The following ANKRD55 variants were observed in gnomAD, a reference collection of about 807,000 sequenced individuals.
ANKRD55 encodes ankyrin repeat domain-containing protein 55.
Under a neutral mutation model 60.6 loss-of-function variants are expected in ANKRD55, and 41 were observed. The ratio of observed to expected loss-of-function variants is 0.68; its 90% CI spans 0.53 to 0.88. The LOEUF is 0.88. Among genes scored for constraint, ANKRD55 ranks in the 40% least tolerant of loss-of-function variants. The probability of loss-of-function intolerance (pLI) is 0.00; values close to 1 mark genes in which losing one functional copy is unlikely to be tolerated. For synonymous variants in ANKRD55, 264 were observed against 290.3 expected (o/e 0.91, Z 0.92); for missense variants, 732 against 767.6 (o/e 0.95, Z 0.55).
intron 6 of ANKRD55, among the ~76,000 whole-genome samples, chr5:56,156,691 G>A (rs1267231493): frequency 6.6e-6 from 1 of 152,166 alleles, no homozygotes; most frequent in African/African-American, 2.4e-5. Context: ...CATGGACTCC[G>A]CCACTCCAGC....
chr5:56,180,421 T>G (rs1758828152), intron 3 of ANKRD55, among the ~76,000 whole-genome samples: 2 of 152,230 alleles, frequency 1.3e-5, no homozygotes, highest in Non-Finnish European at 2.9e-5. Context: ...CTATACACAT[T>G]TTAGCTAATC....
At chr5:56,190,541 T>TGGCTA in intron 2 of ANKRD55, among the ~76,000 whole-genome samples, 1 of 152,326 alleles carries the variant, frequency 6.6e-6, no homozygotes, top group East Asian at 1.9e-4. Flanking sequence ...TTTTTCCACA[T>TGGCTA]GGCTATCCTG....
In ANKRD55 at chr5:56,116,777, G is replaced by A. The variant is rs1477012686; in HGVS notation, c.803C>T (p.Pro268Leu). 3 of 1,608,290 alleles carry A rather than the reference G, an allele frequency of 1.9e-6. No homozygotes were observed. Among genetic ancestry groups the A allele is most frequent in the Non-Finnish European group, 2.5e-6 (3 of 1,177,638 alleles). ...LQALDVDDRT[P>L]LHWAAAAGKA... is the part of the protein sequence containing the mutation. The stretch of plus-strand genomic sequence containing the variant: ...CCCTGCAGCTGCAGCCCAGTGCAGA[G>A]GTGTCCTGGAGGGGCCATGTGAAAA... The change falls in exon 9 of 12, where the codon CCT becomes CTT. Residue 268 changes from proline (P) to leucine (L), a missense_variant. By Grantham distance (98) the Pro-to-Leu change is moderately conservative. Around this residue, in one of 3 missense-constraint regions of ANKRD55, gnomAD observed 597 missense variants for 607.5 expected, o/e 0.98. Transcript: ENST00000341048.
intron 6 of ANKRD55, among the ~76,000 whole-genome samples, chr5:56,147,286 T>C (rs1299449711): frequency 6.6e-6 from 1 of 152,186 alleles, no homozygotes. Context: ...TCTCTGACTC[T>C]GGAGAAAAAA....
At chr5:56,207,664 G>A (rs1443718505) in intron 2 of ANKRD55, among the ~76,000 whole-genome samples, 1 of 152,170 alleles carries the variant, frequency 6.6e-6, no homozygotes, top group Non-Finnish European at 1.5e-5. Context: ...TAAAGGTAAA[G>A]CAAAAATATG....
At chr5:56,152,983 A>G (rs1758093504) in intron 6 of ANKRD55, among the ~76,000 whole-genome samples, 1 of 152,216 alleles carries the variant, frequency 6.6e-6, no homozygotes, top group South Asian at 2.1e-4. Flanking sequence ...AAGAAAAGGT[A>G]CTATGAACTA....
chr5:56,145,749 A>G (rs925348070), intron 6 of ANKRD55, among the ~76,000 whole-genome samples: 1 of 152,348 alleles, frequency 6.6e-6, no homozygotes, highest in African/African-American at 2.4e-5. Flanking sequence ...AACCAGTTCC[A>G]TATTTTAAAT....
At chr5:56,221,083 G>C (rs1369490462) in intron 2 of ANKRD55, among the ~76,000 whole-genome samples, 1 of 152,090 alleles carries the variant, frequency 6.6e-6, no homozygotes, top group Non-Finnish European at 1.5e-5. Context: ...CAATGTTCCT[G>C]GGTTTACTCC....
intron 2 of ANKRD55, among the ~76,000 whole-genome samples, chr5:56,222,264 A>G (rs955641169): frequency 2.6e-5 from 4 of 152,190 alleles, no homozygotes; most frequent in African/African-American, 9.7e-5. Flanking sequence ...GCAAACACCA[A>G]CAGACCTGCA....
chr5:56,162,990 T>A (rs199676727), intron 5 of ANKRD55, among the ~76,000 whole-genome samples: 1 of 152,136 alleles, frequency 6.6e-6, no homozygotes, highest in Non-Finnish European at 1.5e-5. Flanking sequence ...GTTTAAATAG[T>A]CTTTCCCTAG....
chr5:56,198,047 CTTTA>C (rs924251538), intron 2 of ANKRD55, among the ~76,000 whole-genome samples: 2 of 152,106 alleles, frequency 1.3e-5, no homozygotes, highest in Middle Eastern at 3.2e-3. Context: ...TATTGCCCTT[CTTTA>C]TTTGTTTTAT....
At position 56,160,010 on chromosome 5, in the gene ANKRD55, T is replaced by C; in HGVS notation, c.423-117A>G. ...TCAGTTGAAAGACTCCAAATGAAGA[T>C]GAGGGCCCTTTCCGTTTCTCTGGGA... On this transcript the variant is annotated intron_variant, in intron 5 of 11. Transcript: ENST00000341048. The C allele has an allele frequency of 3.8e-6, 3 of 796,744 alleles. No homozygotes were observed. In the South Asian group the frequency reaches 4.6e-5, roughly 12 times the overall value. The allele number at this position is 796,744 out of a possible 1,614,324, so 49.4% of individuals were successfully genotyped here. A position where few individuals can be genotyped will look rare whatever the true frequency, so the allele number is the denominator to read the frequency against.
chr5:56,233,002 A>G (rs1249152925), intron 1 of ANKRD55, 56 bp from the exon 2 acceptor site: 16 of 1,272,990 alleles, frequency 1.3e-5, no homozygotes, highest in Middle Eastern at 1.8e-4. Context: ...AGTCAGAGGC[A>G]GCATCGTTTG....
At chr5:56,212,617 G>C (rs1046070044) in intron 2 of ANKRD55, among the ~76,000 whole-genome samples, 2 of 152,170 alleles carry the variant, frequency 1.3e-5, no homozygotes, top group Non-Finnish European at 1.5e-5. Context: ...TTATGAAGTA[G>C]GTAGTATTTA....
At chr5:56,191,387 A>G (rs1016158298) in intron 2 of ANKRD55, among the ~76,000 whole-genome samples, 1 of 152,142 alleles carries the variant, frequency 6.6e-6, no homozygotes, top group Non-Finnish European at 1.5e-5. Flanking sequence ...TTCTTTCAGC[A>G]ATGCTTTGTA....
At chr5:56,112,514 A>AAAC (rs1372667573) in intron 9 of ANKRD55, among the ~76,000 whole-genome samples, 32 of 149,774 alleles carry the variant, frequency 2.1e-4, no homozygotes, top group South Asian at 4.2e-4. Context: ...CAAAAAAAAA[A>AAAC]AAAAAAAACA....
intron 2 of ANKRD55, among the ~76,000 whole-genome samples, chr5:56,230,559 T>C (rs1760228963): frequency 6.6e-6 from 1 of 152,168 alleles, no homozygotes; most frequent in African/African-American, 2.4e-5. Context: ...TAAAGCCCCA[T>C]GTTCAACTTT....
At chr5:56,216,050 T>TTTTTTTTTTTTTTTTTTGAGACG (rs1759797945) in intron 2 of ANKRD55, among the ~76,000 whole-genome samples, 1 of 150,038 alleles carries the variant, frequency 6.7e-6, no homozygotes, top group Non-Finnish European at 1.5e-5. Context: ...ACACTTTCTA[T>TTTTTTTTTTTTTTTTTTGAGACG]GCTGTATTCA....
At chr5:56,189,200 G>A (rs931471135) in intron 2 of ANKRD55, among the ~76,000 whole-genome samples, 3 of 151,714 alleles carry the variant, frequency 2.0e-5, no homozygotes, top group Non-Finnish European at 4.4e-5. Flanking sequence ...TAAAAAAATT[G>A]TGCAGGAGGC....
Sources: gnomAD v4.1 joint callset for allele counts (sites outside exome capture counted in the v4.1 genomes callset) on GRCh38, gnomAD v4.1.1 for gene constraint, gnomAD v4.1.1 regional missense constraint, MANE v1.5 for transcripts, NCBI Gene and HGNC (gene_info 2026-07-23, HGNC 2026-07-21) for gene names.